The following BCAS1 variants were observed in gnomAD, a reference collection of about 807,000 sequenced individuals.
BCAS1 encodes brain enriched myelin associated protein 1.
Under a neutral mutation model 65.4 loss-of-function variants are expected in BCAS1, and 46 were observed. The ratio of observed to expected loss-of-function variants is 0.70; its 90% CI spans 0.55 to 0.90. The LOEUF (loss-of-function observed/expected upper bound fraction) is 0.90, where lower values mean the gene tolerates loss of function less well. BCAS1 is among the 40% of genes least tolerant of loss of function. BCAS1 has a pLI of 0.00. For missense variants in BCAS1, 793 were observed against 771.2 expected, an observed-to-expected ratio of 1.03 and a Z score of -0.33; for synonymous variants, 298 against 293.5, an observed-to-expected ratio of 1.02 and a Z score of -0.16.
chr20:53,996,057 G>T lies in BCAS1; in HGVS notation c.724-7C>A, dbSNP rs367972286. 6.3e-7 allele frequency: 1 copy of T among 1,575,022 alleles called. No homozygotes were observed. Among genetic ancestry groups the T allele is most frequent in the Non-Finnish European group, 8.6e-7 (1 of 1,160,072 alleles). On this transcript the variant is annotated splice_region_variant and splice_polypyrimidine_tract_variant and intron_variant, in intron 4 of 12. Coordinates refer to ENST00000688948, the MANE Select transcript of BCAS1 (RefSeq NM_001366298.2). ...CCTTGCCGTCAACTATGTCCTAGGG[G>T]CAAAACAGTTGTCACAGTTGCCACT... is the stretch of plus-strand genomic sequence containing the variant.
At chr20:54,012,631 G>T (rs2091347276) in intron 4 of BCAS1, among the ~76,000 whole-genome samples, 1 of 152,162 alleles carries the variant, frequency 6.6e-6, no homozygotes, top group Admixed American at 6.5e-5. Context: ...TTGCAGCCAT[G>T]AATTATTTAA....
At chr20:53,950,179 G>A (rs1015182629) in intron 12 of BCAS1, among the ~76,000 whole-genome samples, 6 of 151,960 alleles carry the variant, frequency 3.9e-5, no homozygotes, top group African/African-American at 1.2e-4. Context: ...CCCCGCCCAC[G>A]GCTCCAATCT....
chr20:54,023,546 C>A (rs1219427547), intron 4 of BCAS1, among the ~76,000 whole-genome samples: 1 of 152,108 alleles, frequency 6.6e-6, no homozygotes, highest in Non-Finnish European at 1.5e-5. Context: ...TCATGGAGAA[C>A]CTGGCACTGA....
At chr20:53,952,765 T>C (rs901079623) in intron 12 of BCAS1, among the ~76,000 whole-genome samples, 2 of 152,192 alleles carry the variant, frequency 1.3e-5, no homozygotes, top group Non-Finnish European at 2.9e-5. Flanking sequence ...AAACACCTCA[T>C]TGTACCCAAT....
intron 4 of BCAS1, 123 bp downstream of exon 4, chr20:54,028,269 G>C (rs570472580): frequency 6.6e-6 from 6 of 903,810 alleles, no homozygotes; most frequent in Admixed American, 3.5e-5. Flanking sequence ...ATTTGTTCTA[G>C]AGGGGTCAAC....
chr20:54,068,231 G>A (rs749452897), intron 1 of BCAS1, among the ~76,000 whole-genome samples: 18 of 152,354 alleles, frequency 1.2e-4, no homozygotes, highest in South Asian at 8.3e-4. Context: ...GGTGATTGAT[G>A]TTTTGCTTTC....
chr20:54,068,152 A>G (rs2092467947), intron 1 of BCAS1, among the ~76,000 whole-genome samples: 1 of 152,220 alleles, frequency 6.6e-6, no homozygotes, highest in Non-Finnish European at 1.5e-5. Flanking sequence ...GATTCCTGGT[A>G]TGGGACTTTG....
chr20:54,070,007 C>T (rs896227496), intron 1 of BCAS1, among the ~76,000 whole-genome samples: 1 of 152,198 alleles, frequency 6.6e-6, no homozygotes, highest in Non-Finnish European at 1.5e-5. Flanking sequence ...TTCTTGTCCT[C>T]CCACTTCTTT....
intron 4 of BCAS1, 81 bp from the exon 5 acceptor site, chr20:53,996,131 T>C (rs2090902907): frequency 7.0e-7 from 1 of 1,420,686 alleles, no homozygotes; most frequent in African/African-American, 1.4e-5. Context: ...CACCCCTTTC[T>C]CTCTTACCCC....
chr20:53,950,451 A>G (rs2089483151), intron 12 of BCAS1, among the ~76,000 whole-genome samples: 1 of 146,210 alleles, frequency 6.8e-6, no homozygotes, highest in Non-Finnish European at 1.5e-5. Flanking sequence ...CCCCAGACAC[A>G]CTCAGGCAAA....
chr20:54,048,047 G>A (rs537595756), intron 3 of BCAS1, among the ~76,000 whole-genome samples: 1 of 152,280 alleles, frequency 6.6e-6, no homozygotes, highest in African/African-American at 2.4e-5. Flanking sequence ...GTTCTAGGAA[G>A]TCCTTAGCTT....
chr20:54,066,877 C>G (rs1405327639), intron 1 of BCAS1, among the ~76,000 whole-genome samples: 1 of 152,208 alleles, frequency 6.6e-6, no homozygotes, highest in Admixed American at 6.5e-5. Context: ...ACTTAACCCT[C>G]GCAAACTCAA....
chr20:53,944,908 C>T lies in BCAS1; in HGVS notation c.*14G>A, dbSNP rs1331480422. 4 of 1,613,094 alleles carry T rather than the reference C, an allele frequency of 2.5e-6. No individual in the cohort carries two copies. Among genetic ancestry groups the T allele is most frequent in the South Asian group, 1.1e-5 (1 of 91,048 alleles). ...TGGTGGCAGGAGAACCTGGTGGGAA[C>T]CGTGCTGATTTGTTTACTTGGATTT... On this transcript the variant is annotated 3_prime_UTR_variant, in exon 13 of 13. Coordinates refer to ENST00000688948, the MANE Select transcript of BCAS1 (RefSeq NM_001366298.2).
intron 10 of BCAS1, among the ~76,000 whole-genome samples, chr20:53,959,867 T>A (rs758801881): frequency 1.3e-5 from 2 of 152,222 alleles, no homozygotes; most frequent in Non-Finnish European, 2.9e-5. Flanking sequence ...TTGTGCATTG[T>A]TCTACAAAGG....
chr20:53,996,779 C>T (rs2090927033), intron 4 of BCAS1, among the ~76,000 whole-genome samples: 1 of 152,156 alleles, frequency 6.6e-6, no homozygotes, highest in Non-Finnish European at 1.5e-5. Context: ...CCACTCCTTA[C>T]CACCCTCCAG....
chr20:54,012,049 T>C (rs956137364), intron 4 of BCAS1, among the ~76,000 whole-genome samples: 13 of 152,200 alleles, frequency 8.5e-5, no homozygotes, highest in African/African-American at 2.7e-4. Flanking sequence ...CATGGGATAC[T>C]ACTTGGCAGT....
At chr20:54,060,105 G>C (rs2092358030) in intron 1 of BCAS1, among the ~76,000 whole-genome samples, 1 of 152,218 alleles carries the variant, frequency 6.6e-6, no homozygotes, top group East Asian at 1.9e-4. Flanking sequence ...ACAGACTCTA[G>C]AGCAAGACTG....
chr20:54,008,808 ATT>A (rs879383985), intron 4 of BCAS1, among the ~76,000 whole-genome samples: 4 of 144,766 alleles, frequency 2.8e-5, no homozygotes, highest in Admixed American at 6.9e-5. Context: ...TCTAACAAAG[ATT>A]TTTTTTTTTT....
At chr20:54,048,500 A>G (rs909517003) in intron 3 of BCAS1, among the ~76,000 whole-genome samples, 1 of 151,998 alleles carries the variant, frequency 6.6e-6, no homozygotes, top group African/African-American at 2.4e-5. Flanking sequence ...CTCGCATAAT[A>G]CAAGGAGAAA....
Sources: gnomAD v4.1 joint callset for allele counts (sites outside exome capture counted in the v4.1 genomes callset) on GRCh38, gnomAD v4.1.1 for gene constraint, MANE v1.5 for transcripts, NCBI Gene and HGNC (gene_info 2026-07-23, HGNC 2026-07-21) for gene names.